LHX9: variants seen among roughly 807,000 people sequenced by gnomAD.
The protein encoded by LHX9 is LIM homeobox 9.
LHX9 carries 9 observed loss-of-function variants against 36.5 expected under a neutral mutation model. The observed-to-expected ratio is 0.25, with a 90% CI of 0.15 to 0.43. The LOEUF is 0.43. LHX9 is among the 20% of genes least tolerant of loss of function. The pLI is 1.00. For missense variants in LHX9, 464 were observed against 526.4 expected (o/e 0.88, Z 1.16); for synonymous variants, 211 against 212.1 (o/e 0.99, Z 0.04).
upstream of LHX9, chr1:197,917,287 C>G (rs957589277): frequency 1.6e-6 from 2 of 1,227,430 alleles, no homozygotes; most frequent in African/African-American, 3.2e-5. Context: ...CGTGGCAGCT[C>G]CGGGGAGAGA....
chr1:197,930,165 G>T lies in LHX9; in HGVS notation c.*906G>T. On this transcript the variant is annotated 3_prime_UTR_variant, in exon 5 of 5. Transcript: ENST00000367387. ...AATTTAATTAATAGCTCTATTAATTGGCTTCAGCTGTACCATGATATTGTA... is the reference window on the plus strand; with the variant it reads ...AATTTAATTAATAGCTCTATTAATTTGCTTCAGCTGTACCATGATATTGTA... 1 of 602,342 alleles carries T rather than the reference G, an allele frequency of 1.7e-6. No homozygotes were observed. The highest frequency in any genetic ancestry group is 2.1e-6 in the Non-Finnish European group (1 of 480,342). 37.3% of individuals were successfully genotyped at this position (602,342 alleles called of 1,614,324 possible).
intron 3 of LHX9, 33 bp from the exon 4 acceptor site, chr1:197,927,558 T>C: frequency 1.3e-6 from 2 of 1,575,316 alleles, no homozygotes; most frequent in African/African-American, 1.3e-5. Context: ...GAATTTCCAC[T>C]GAGCAGTTGT....
chr1:197,929,123 T>C lies in LHX9; in HGVS notation c.1058T>C (p.Leu353Pro), dbSNP rs779752154. The C allele has an allele frequency of 1.2e-6, 2 of 1,613,740 alleles. No individual in the cohort carries two copies. Among genetic ancestry groups the C allele is most frequent in the South Asian group, 2.2e-5 (2 of 91,044 alleles). ...PAPPSADSGA[L>P]TPPGTATTLT... ...CCGCCCTCAGCAGACAGCGGAGCTC[T>C]CACTCCACCCGGCACTGCGACCACT... The change falls in exon 5 of 5, where the codon CTC becomes CCC. Residue 353 changes from leucine (L) to proline (P), a missense_variant. By Grantham distance (98) the Leu-to-Pro change is moderately conservative (BLOSUM62 -3). Transcript: ENST00000367387.
At chr1:197,927,528 C>T in intron 3 of LHX9, 63 bp from the exon 4 acceptor site, 1 of 1,383,802 alleles carries the variant, frequency 7.2e-7, no homozygotes, top group Non-Finnish European at 1.0e-6. Flanking sequence ...TACAGCCTGC[C>T]ATCATGTCAG....
chr1:197,929,306 T>G lies in LHX9; in HGVS notation c.*47T>G, dbSNP rs1262602200. 8.2e-7 allele frequency: 1 copy of G among 1,226,940 alleles called. No homozygotes were observed. The highest frequency in any genetic ancestry group is 1.0e-6 in the Non-Finnish European group (1 of 961,704). 76.0% of individuals were successfully genotyped at this position (1,226,940 alleles called of 1,614,324 possible). A position where few individuals can be genotyped will look rare whatever the true frequency, so the allele number is the denominator to read the frequency against. ...TTTTAAATTCTTCCTCTTCTTTTTATTATTATTCTAATTATTATTATTTTA... is the reference window on the plus strand; with the variant it reads ...TTTTAAATTCTTCCTCTTCTTTTTAGTATTATTCTAATTATTATTATTTTA... On this transcript the variant is annotated 3_prime_UTR_variant, in exon 5 of 5. Coordinates refer to ENST00000367387, the MANE Select transcript of LHX9 (RefSeq NM_020204.3).
intron 3 of LHX9, among the ~76,000 whole-genome samples, chr1:197,926,673 G>T (rs1660149710): frequency 6.6e-6 from 1 of 152,102 alleles, no homozygotes. Context: ...GCCAGCCAGG[G>T]GCACAGCTCA....
At chr1:197,925,706 T>G (rs1209624499) in intron 3 of LHX9, among the ~76,000 whole-genome samples, 1 of 152,204 alleles carries the variant, frequency 6.6e-6, no homozygotes, top group East Asian at 1.9e-4. Context: ...TAGGATAAAA[T>G]GTAATGCATA....
In LHX9 at chr1:197,932,869, T is replaced by G. The variant is rs1440906943; in HGVS notation, c.*3610T>G. On this transcript the variant is annotated 3_prime_UTR_variant, in exon 5 of 5. Transcript: ENST00000367387. ...TTAGAATAAACTATTGTGTAAAATTTCAGCAACTTTTTTAGATTACTAGGG... is the reference window on the plus strand; with the variant it reads ...TTAGAATAAACTATTGTGTAAAATTGCAGCAACTTTTTTAGATTACTAGGG... 1.3e-5 allele frequency: 2 copies of G among 152,086 alleles called. No individual in the cohort carries two copies. Among genetic ancestry groups the G allele is most frequent in the Non-Finnish European group, 2.9e-5 (2 of 67,936 alleles). 9.4% of individuals were successfully genotyped at this position (152,086 alleles called of 1,614,324 possible).
At chr1:197,915,851 C>CT, upstream of LHX9, 1 of 152,372 alleles carries the variant, frequency 6.6e-6, no homozygotes, top group African/African-American at 2.4e-5. Flanking sequence ...CCTCTCACTT[C>CT]TTTTTTTCTT....
chr1:197,917,176 C>T (rs1659787655), upstream of LHX9: 1 of 966,908 alleles, frequency 1.0e-6, no homozygotes, highest in Non-Finnish European at 1.2e-6. Context: ...TCCTGCCTCC[C>T]CGCTCTCTAT....
chr1:197,915,749 C>T (rs1659730074), upstream of LHX9: 3 of 152,224 alleles, frequency 2.0e-5, no homozygotes, highest in South Asian at 6.2e-4. Context: ...CCTCAGAAGA[C>T]AACGCTTTGG....
chr1:197,925,683 C>A (rs1031814446), intron 3 of LHX9, among the ~76,000 whole-genome samples: 1 of 152,178 alleles, frequency 6.6e-6, no homozygotes, highest in Non-Finnish European at 1.5e-5. Flanking sequence ...GACATATCCC[C>A]ACTGGGCCAA....
chr1:197,924,206 T>C (rs1459663060), intron 3 of LHX9, among the ~76,000 whole-genome samples: 1 of 152,234 alleles, frequency 6.6e-6, no homozygotes, highest in Admixed American at 6.5e-5. Context: ...TTTTAACTCG[T>C]TATTTTAGCC....
chr1:197,918,407 G>C, intron 1 of LHX9: 1 of 716,952 alleles, frequency 1.4e-6, no homozygotes. Context: ...GAGCCAAGCA[G>C]GAGCCCAGGT....
rs1208294878 is a variant in LHX9, at chr1:197,930,531, A to T, written c.*1272A>T. On this transcript the variant is annotated 3_prime_UTR_variant, in exon 5 of 5. Transcript: ENST00000367387. ...TGGATTTCCTAAAAAAATAAAAAAG[A>T]AGTCAAGATATATGTCTTGCTTTAG... 2 of 152,074 alleles carry T rather than the reference A, an allele frequency of 1.3e-5. No individual in the cohort carries two copies. The highest frequency in any genetic ancestry group is 2.9e-5 in the Non-Finnish European group (2 of 67,912). 9.4% of individuals were successfully genotyped at this position (152,074 alleles called of 1,614,324 possible).
intron 1 of LHX9, among the ~76,000 whole-genome samples, chr1:197,919,565 C>T (rs918817836): frequency 6.6e-6 from 1 of 152,176 alleles, no homozygotes; most frequent in Non-Finnish European, 1.5e-5. Context: ...ATAACCTGTG[C>T]TCGTTGAAAT....
Position 197,919,084 on chromosome 1 carries a change from G to A in LHX9, c.175-888G>A, listed in dbSNP as rs1390663699. Among the ~76,000 whole-genome samples, 3 of 152,224 alleles carry A rather than the reference G, an allele frequency of 2.0e-5. 1 individual carries two copies. The highest frequency in any genetic ancestry group is 2.0e-4 in the Admixed American group (3 of 15,286). On this transcript the variant is annotated intron_variant, in intron 1 of 4. Coordinates refer to ENST00000367387, the MANE Select transcript of LHX9 (RefSeq NM_020204.3). ...AGATCAACCCATTTCTGCTAGTCGT[G>A]AGGGAAATGTCCGGAGGTTAACTCC...
upstream of LHX9, chr1:197,912,522 T>A (rs1315723273): frequency 1.9e-6 from 3 of 1,614,092 alleles, no homozygotes; most frequent in East Asian, 4.5e-5. Flanking sequence ...CCACTCCTTT[T>A]CCTCTAAGAA....
rs761054217 is a variant in LHX9 at position 197,929,076 on chromosome 1, T to C, written c.1011T>C (p.Ala337=). 15 of 1,613,672 alleles carry C rather than the reference T, an allele frequency of 9.3e-6. No individual in the cohort carries two copies. Among genetic ancestry groups the C allele is most frequent in the Non-Finnish European group, 1.2e-5 (14 of 1,179,904 alleles). Residue 337 remains alanine (A), a synonymous_variant, in exon 5 of 5, where the codon GCT becomes GCC. Coordinates refer to ENST00000367387, the MANE Select transcript of LHX9 (RefSeq NM_020204.3). ...AGGAGAATGGGGGTGTTGATAAAGC[T>C]GACGGCACGTCGCTTCCGGCCCCGC... The part of the protein sequence containing the change: ...LRQENGGVDK[A]DGTSLPAPPS...
Sources: allele counts gnomAD v4.1 joint callset (sites outside exome capture counted in the v4.1 genomes callset), GRCh38; gene constraint gnomAD v4.1.1; transcripts MANE v1.5; gene names NCBI Gene and HGNC (gene_info 2026-07-23, HGNC 2026-07-21).